SLC25A48: variants seen among roughly 807,000 people sequenced by gnomAD.
SLC25A48 encodes CTC-321K16.1.
A neutral mutation model predicts 32.2 loss-of-function variants in SLC25A48; 29 were observed. The observed-to-expected ratio is 0.90, with a 90% confidence interval of 0.67 to 1.23. SLC25A48 has a LOEUF of 1.23. Ranked by LOEUF, SLC25A48 falls within the 50% of genes most tolerant of loss-of-function variation. The probability of loss-of-function intolerance (pLI) is 0.00; values close to 1 mark genes in which losing one functional copy is unlikely to be tolerated. For synonymous variants in SLC25A48, 164 were observed against 172.3 expected, an observed-to-expected ratio of 0.95 and a Z score of 0.38; for missense variants, 399 against 422.7, an observed-to-expected ratio of 0.94 and a Z score of 0.49.
At position 135,726,739 on chromosome 5, in the gene SLC25A48, C is replaced by A. The variant is rs75557854; in HGVS notation, c.-520-85784C>A. 7.1e-3 allele frequency among the ~76,000 whole-genome samples: 1,077 copies of A among 152,254 alleles called. 12 individuals are homozygous for A. The highest frequency in any genetic ancestry group is 0.024 in the African/African-American group (1,008 of 41,558). On this transcript the variant is annotated intron_variant, in intron 3 of 10. Coordinates refer to the SLC25A48 transcript ENST00000646290. ...CCACTGAAGGACATCTGGGTTATGTCCAGTTTTTGGCTACTATGAATAAAG... is the reference window on the plus strand; with the variant it reads ...CCACTGAAGGACATCTGGGTTATGTACAGTTTTTGGCTACTATGAATAAAG...
intron 3 of SLC25A48, among the ~76,000 whole-genome samples, chr5:135,715,749 G>A (rs1754782242): frequency 6.6e-6 from 1 of 152,190 alleles, no homozygotes; most frequent in Non-Finnish European, 1.5e-5. Flanking sequence ...CTTCAACTTG[G>A]ATAACACTGC....
chr5:135,860,482 AC>A (rs1561541442), intron 4 of SLC25A48, among the ~76,000 whole-genome samples: 1 of 152,252 alleles, frequency 6.6e-6, no homozygotes, highest in South Asian at 2.1e-4. Flanking sequence ...AGTGGTCACA[AC>A]CCCACTTTAT....
intron 7 of SLC25A48, among the ~76,000 whole-genome samples, chr5:135,883,880 C>G (rs564283667): frequency 6.6e-6 from 1 of 152,158 alleles, no homozygotes; most frequent in African/African-American, 2.4e-5. Context: ...TTACTAGAGC[C>G]GCGTGGGGAG....
intron 4 of SLC25A48, among the ~76,000 whole-genome samples, chr5:135,821,186 C>T (rs1177207967): frequency 6.6e-6 from 1 of 152,230 alleles, no homozygotes; most frequent in East Asian, 1.9e-4. Context: ...CACATGGGAA[C>T]TTCCCTGGGC....
intron 3 of SLC25A48, among the ~76,000 whole-genome samples, chr5:135,751,814 C>T (rs1459190425): frequency 6.6e-6 from 1 of 152,134 alleles, no homozygotes; most frequent in Non-Finnish European, 1.5e-5. Flanking sequence ...GCATGGGCAG[C>T]ATACTGAGAC....
intron 3 of SLC25A48, among the ~76,000 whole-genome samples, chr5:135,640,414 CA>C (rs1055777831): frequency 2.6e-5 from 4 of 152,096 alleles, no homozygotes; most frequent in Non-Finnish European, 5.9e-5. Flanking sequence ...AAAAGATCAG[CA>C]AACCCCAAGT....
intron 3 of SLC25A48, among the ~76,000 whole-genome samples, chr5:135,799,662 A>G (rs1757273497): frequency 6.6e-6 from 1 of 151,742 alleles, no homozygotes; most frequent in Admixed American, 6.6e-5. Context: ...GGGGAAAATA[A>G]TATTACTCCC....
chr5:135,714,125 T>A (rs1231749523), intron 3 of SLC25A48, among the ~76,000 whole-genome samples: 1 of 152,172 alleles, frequency 6.6e-6, no homozygotes, highest in Non-Finnish European at 1.5e-5. Flanking sequence ...GGGCTCCAGC[T>A]ATCCACCTGG....
chr5:135,772,420 G>T (rs1756436080), intron 3 of SLC25A48, among the ~76,000 whole-genome samples: 2 of 151,630 alleles, frequency 1.3e-5, no homozygotes, highest in African/African-American at 4.8e-5. Context: ...GGAAGAGGAT[G>T]ATATTACTCC....
At chr5:135,749,058 C>T (rs1755708567) in intron 3 of SLC25A48, among the ~76,000 whole-genome samples, 1 of 152,080 alleles carries the variant, frequency 6.6e-6, no homozygotes, top group Non-Finnish European at 1.5e-5. Context: ...GTTCTTCCTT[C>T]CTGATGTCCC....
chr5:135,730,218 G>A (rs528066777), intron 3 of SLC25A48, among the ~76,000 whole-genome samples: 56 of 152,240 alleles, frequency 3.7e-4, no homozygotes, highest in African/African-American at 1.3e-3. Context: ...AATTTGATAT[G>A]GTTTGGCTGT....
At chr5:135,814,628 G>A (rs946833013) in intron 4 of SLC25A48, among the ~76,000 whole-genome samples, 1 of 152,208 alleles carries the variant, frequency 6.6e-6, no homozygotes, top group Middle Eastern at 3.2e-3. Flanking sequence ...AGGCTCCGGA[G>A]TCAGAGGGAC....
rs145871237 is a variant in SLC25A48, at chr5:135,618,021, C to T, written c.-848-11216C>T. Among the ~76,000 whole-genome samples, 130 of 151,866 alleles carry T rather than the reference C, an allele frequency of 8.6e-4. 1 individual carries two copies. The highest frequency in any genetic ancestry group is 2.8e-3 in the African/African-American group (115 of 41,370). ...GTTTAATGCTTAGAGTGGGATTTGT[C>T]GCCCAAGTATTATTGTATTGAAGTC... On this transcript the variant is annotated intron_variant, in intron 1 of 10. Transcript: ENST00000646290.
At chr5:135,703,460 GTTT>G (rs1754438841) in intron 3 of SLC25A48, among the ~76,000 whole-genome samples, 1 of 152,186 alleles carries the variant, frequency 6.6e-6, no homozygotes, top group Non-Finnish European at 1.5e-5. Context: ...GCAAGGAGCT[GTTT>G]CCGCACCTGG....
At chr5:135,708,735 C>T (rs1161500909) in intron 3 of SLC25A48, among the ~76,000 whole-genome samples, 1 of 152,162 alleles carries the variant, frequency 6.6e-6, no homozygotes, top group African/African-American at 2.4e-5. Flanking sequence ...TGAGCTGGGC[C>T]TGGTTTGGGG....
intron 2 of SLC25A48, among the ~76,000 whole-genome samples, chr5:135,632,083 A>G (rs902675561): frequency 6.6e-6 from 1 of 152,212 alleles, no homozygotes; most frequent in Non-Finnish European, 1.5e-5. Flanking sequence ...TCAGTGTGAC[A>G]ACACATGTGG....
intron 3 of SLC25A48, among the ~76,000 whole-genome samples, chr5:135,746,024 C>G (rs1755630033): frequency 6.6e-6 from 1 of 152,154 alleles, no homozygotes; most frequent in Non-Finnish European, 1.5e-5. Flanking sequence ...CGTGCCACAT[C>G]CTTTGCTCTC....
chr5:135,719,718 G>GCAATC (rs1297921887), intron 3 of SLC25A48, among the ~76,000 whole-genome samples: 1 of 152,274 alleles, frequency 6.6e-6, no homozygotes, highest in East Asian at 1.9e-4. Flanking sequence ...CCAGCTGAGG[G>GCAATC]TATGGCCTCT....
At chr5:135,779,162 G>T (rs1756656331) in intron 3 of SLC25A48, among the ~76,000 whole-genome samples, 2 of 151,726 alleles carry the variant, frequency 1.3e-5, no homozygotes, top group Non-Finnish European at 2.9e-5. Context: ...CTGTGATATT[G>T]TTCCTAATAT....
Sources: gnomAD v4.1 joint callset for allele counts (sites outside exome capture counted in the v4.1 genomes callset) on GRCh38, gnomAD v4.1.1 for gene constraint, MANE v1.5 for transcripts, NCBI Gene and HGNC (gene_info 2026-07-23, HGNC 2026-07-21) for gene names.